TACC2: variants seen among roughly 807,000 people sequenced by gnomAD.
TACC2 encodes the protein transforming acidic coiled-coil containing protein 2, also known as transforming acidic coiled-coil-containing protein 2.
In TACC2, 137 loss-of-function variants were observed where a neutral mutation model predicts 227.3. That is an observed-to-expected ratio of 0.60 (90% CI 0.52 to 0.69). TACC2 has a LOEUF of 0.69. Among genes scored for constraint, TACC2 ranks in the 30% least tolerant of loss-of-function variants. The pLI is 0.00. For missense variants in TACC2, 3,470 were observed against 3,694.4 expected (o/e 0.94, Z 1.57); for synonymous variants, 1,523 against 1,487.5 (o/e 1.02, Z -0.55).
In TACC2 at chr10:122,048,403, TCCTC is replaced by T. The variant is rs1264401469; in HGVS notation, c.34-2023_34-2020del. Reference sequence around the variant, plus strand: ...TTTTTTTCTCCTCCCTTTCCTTCCTTCCTCCCTCCCTCCCTTCCTTCCCTCCTTG... The same window carrying T: ...TTTTTTTCTCCTCCCTTTCCTTCCTTCCTCCCTCCCTTCCTTCCCTCCTTG... On this transcript the variant is annotated intron_variant, in intron 2 of 22. Transcript: ENST00000369005. Among the ~76,000 whole-genome samples the T allele has an allele frequency of 5.7e-3, 701 of 123,094 alleles. 1 individual carries two copies. Among genetic ancestry groups the T allele is most frequent in the Non-Finnish European group, 7.2e-3 (404 of 56,292 alleles). The allele number at this position is 123,094 out of a possible 152,430, so 80.8% of individuals were successfully genotyped here.
intron 19 of TACC2, among the ~76,000 whole-genome samples, chr10:122,242,251 C>T (rs1363100894): frequency 6.6e-6 from 1 of 152,206 alleles, no homozygotes; most frequent in Non-Finnish European, 1.5e-5. Context: ...CTGCCAGCCA[C>T]CATCTGACTC....
rs79619171 is a variant in TACC2, at chr10:122,210,821, G to A, written c.6396G>A (p.Pro2132=). The A allele has an allele frequency of 9.0e-4, 1,457 of 1,611,454 alleles. 45 individuals carry two copies. The East Asian group carries it at 0.032, about 35-fold the overall frequency. ...STLKRTKKPR[P]PSLKKKQTTK... ...TTAAGCGAACTAAAAAACCGAGGCC[G>A]CCTTCCTTAAAAAAGAAACAGACCA... Residue 2132 remains proline (P), a synonymous_variant, in exon 9 of 23, where the codon CCG becomes CCA. Transcript: ENST00000369005. This position sits in a 1 kb window ranked among gnomAD's most constrained non-coding sequence, Gnocchi z 4.6.
chr10:122,088,874 A>T, intron 5 of TACC2: 1 of 858,368 alleles, frequency 1.2e-6, no homozygotes, highest in Non-Finnish European at 1.7e-6. Context: ...TAATCCCAAC[A>T]CTTTGGGAGG....
At chr10:122,152,984 T>C (rs2092195644) in intron 7 of TACC2, among the ~76,000 whole-genome samples, 2 of 122,586 alleles carry the variant, frequency 1.6e-5, no homozygotes, top group African/African-American at 2.8e-5. Flanking sequence ...GCTTTTGATA[T>C]ATATTTCTTT....
At chr10:122,115,315 TGTGTGA>T (rs1399383328) in intron 5 of TACC2, among the ~76,000 whole-genome samples, 30 of 10,010 alleles carry the variant, frequency 3.0e-3, no homozygotes, top group African/African-American at 3.3e-3. Context: ...TGTGTGTGTG[TGTGTGA>T]GATACCTGAG....
In TACC2 at chr10:122,248,896, T is replaced by G; in HGVS notation, c.8553+93T>G. 3 of 1,565,258 alleles carry G rather than the reference T, an allele frequency of 1.9e-6. No homozygotes were observed. The South Asian group carries it at 3.4e-5, about 18-fold the overall frequency. ...GGGGGTAGGATTCCAGAAGTTGGTC[T>G]TGAGCCACCTGCGAGGAGGGGGTCC... On this transcript the variant is annotated intron_variant, in intron 20 of 22. Coordinates refer to ENST00000369005, the MANE Select transcript of TACC2 (RefSeq NM_206862.4).
intron 8 of TACC2, among the ~76,000 whole-genome samples, chr10:122,198,879 C>T (rs1218677422): frequency 2.0e-5 from 3 of 152,216 alleles, no homozygotes; most frequent in Non-Finnish European, 2.9e-5. Flanking sequence ...CCAGCCTGTC[C>T]TGAGAGCTGC....
chr10:122,244,759 A>G (rs1234195025), intron 19 of TACC2, among the ~76,000 whole-genome samples: 1 of 152,096 alleles, frequency 6.6e-6, no homozygotes, highest in East Asian at 1.9e-4. Context: ...TTTGAAGTCA[A>G]ACCAGCTCCA....
intron 5 of TACC2, among the ~76,000 whole-genome samples, chr10:122,126,471 A>C (rs532985451): frequency 2.0e-4 from 31 of 152,080 alleles, no homozygotes; most frequent in Non-Finnish European, 3.5e-4. Flanking sequence ...GTGTGCACAC[A>C]GCCCTCCACA....
intron 5 of TACC2, among the ~76,000 whole-genome samples, chr10:122,122,122 G>T (rs952292466): frequency 5.3e-5 from 8 of 152,338 alleles, no homozygotes; most frequent in African/African-American, 1.9e-4. Context: ...CTGGGAGGCC[G>T]AGGCGGGTGG....
At chr10:122,153,792 C>A (rs1234409277) in intron 7 of TACC2, among the ~76,000 whole-genome samples, 1 of 152,168 alleles carries the variant, frequency 6.6e-6, no homozygotes, top group African/African-American at 2.4e-5. Flanking sequence ...GCACAGAGGA[C>A]TAATAACTTC....
At chr10:122,224,013 T>C (rs547491121) in intron 11 of TACC2, among the ~76,000 whole-genome samples, 48 of 152,264 alleles carry the variant, frequency 3.2e-4, no homozygotes, top group African/African-American at 1.1e-3. Context: ...TTCAGTTGAG[T>C]GTCAGCTTAG....
intron 2 of TACC2, among the ~76,000 whole-genome samples, chr10:122,025,497 G>A (rs1212382496): frequency 2.6e-5 from 4 of 152,004 alleles, no homozygotes; most frequent in Non-Finnish European, 4.4e-5. Flanking sequence ...TCCTGACCTC[G>A]TGATCCGCCC....
At chr10:122,246,194 G>A (rs973180578) in intron 19 of TACC2, among the ~76,000 whole-genome samples, 1 of 152,184 alleles carries the variant, frequency 6.6e-6, no homozygotes, top group African/African-American at 2.4e-5. Context: ...ATCTCACGCC[G>A]TGGGGTGGGG....
intron 5 of TACC2, among the ~76,000 whole-genome samples, chr10:122,129,009 A>C (rs1398070752): frequency 6.6e-6 from 1 of 151,194 alleles, no homozygotes; most frequent in Non-Finnish European, 1.5e-5. Context: ...CCTATGTTCA[A>C]TTAATAATGG....
chr10:122,079,588 G>A (rs2079212605), intron 3 of TACC2, among the ~76,000 whole-genome samples: 1 of 152,224 alleles, frequency 6.6e-6, no homozygotes, highest in Non-Finnish European at 1.5e-5. Context: ...GTGGTTCTGT[G>A]TACATGCCTC....
intron 5 of TACC2, among the ~76,000 whole-genome samples, chr10:122,114,476 A>C (rs567069539): frequency 6.6e-6 from 1 of 152,248 alleles, no homozygotes; most frequent in Non-Finnish European, 1.5e-5. Context: ...CTCCCGGAGC[A>C]GCTGGCTTTC....
chr10:122,137,920 G>A (rs2139056480), intron 6 of TACC2, among the ~76,000 whole-genome samples: 1 of 152,320 alleles, frequency 6.6e-6, no homozygotes, highest in South Asian at 2.1e-4. Flanking sequence ...TGAAGTTTCT[G>A]ATCTCTGACT....
At chr10:122,099,730 A>G (rs920004727) in intron 5 of TACC2, among the ~76,000 whole-genome samples, 3 of 152,226 alleles carry the variant, frequency 2.0e-5, no homozygotes, top group African/African-American at 7.2e-5. Flanking sequence ...AACTCAGCTT[A>G]ACTCTGTTTC....
Sources: gnomAD v4.1 joint callset for allele counts (sites outside exome capture counted in the v4.1 genomes callset) on GRCh38, gnomAD v4.1.1 for gene constraint, Gnocchi (gnomAD v3.1) non-coding constraint, MANE v1.5 for transcripts, NCBI Gene and HGNC (gene_info 2026-07-23, HGNC 2026-07-21) for gene names.